Variants in PCDHAC1 observed in about 807,000 individuals in gnomAD.
The protein encoded by PCDHAC1 is protocadherin alpha-C1.
Under a neutral mutation model 60.0 loss-of-function variants are expected in PCDHAC1, and 42 were observed. That is an observed-to-expected ratio of 0.70 (90% CI 0.55 to 0.90). PCDHAC1 has a LOEUF of 0.90. Among genes scored for constraint, PCDHAC1 ranks in the 40% least tolerant of loss-of-function variants. The pLI, the probability that PCDHAC1 is intolerant of heterozygous loss-of-function variation, is 0.00. For synonymous variants in PCDHAC1, 468 were observed against 499.3 expected (o/e 0.94, Z 0.84); for missense variants, 1,160 against 1,222.3 (o/e 0.95, Z 0.76).
intron 1 of PCDHAC1, among the ~76,000 whole-genome samples, chr5:140,943,906 C>T (rs963288804): frequency 2.0e-5 from 3 of 152,156 alleles, no homozygotes; most frequent in African/African-American, 7.2e-5. Context: ...ATGTCATGAG[C>T]ACTTTAGCAT....
chr5:140,942,115 A>T (rs1440934670), intron 1 of PCDHAC1, among the ~76,000 whole-genome samples: 2 of 152,232 alleles, frequency 1.3e-5, no homozygotes, highest in Non-Finnish European at 2.9e-5. Flanking sequence ...ATCAAACTTT[A>T]TTAAAGGTGA....
intron 1 of PCDHAC1, chr5:140,968,494 C>G (rs782064203): frequency 1.2e-6 from 2 of 1,614,096 alleles, no homozygotes; most frequent in South Asian, 2.2e-5. Flanking sequence ...ATGACCATGC[C>G]CCTCACATTC....
chr5:140,983,924 A>G (rs1554245819), intron 3 of PCDHAC1, among the ~76,000 whole-genome samples: 1 of 152,216 alleles, frequency 6.6e-6, no homozygotes, highest in African/African-American at 2.4e-5. Flanking sequence ...AGGATTTGCT[A>G]TTTATGGATG....
At position 140,928,897 on chromosome 5, in the gene PCDHAC1, G is replaced by C; in HGVS notation, c.2005G>C (p.Asp669His). ...CCCTCAGTTACTTCCAGACTTTGAA[G>C]ATGTCTGGGAACCAGGAGGGCAGCT... ...SVPQLLPDFEDVWEPGGQLSA... is the reference protein window; with the variant it reads ...SVPQLLPDFEHVWEPGGQLSA... Residue 669 changes from aspartate to histidine, a missense_variant, in exon 1 of 4, where the codon GAT (aspartate) becomes CAT (histidine). Transcript: ENST00000253807. 6.2e-7 allele frequency: 1 copy of C among 1,614,186 alleles called. No homozygotes were observed.
intron 1 of PCDHAC1, among the ~76,000 whole-genome samples, chr5:140,960,257 C>T (rs1554224600): frequency 6.6e-6 from 1 of 152,186 alleles, no homozygotes; most frequent in African/African-American, 2.4e-5. Flanking sequence ...CCTGGAGCTT[C>T]TGATAAATTC....
chr5:140,926,758 G>C lies in PCDHAC1; in HGVS notation c.-135G>C. ...GAGGCGCAACGTCGGCGGTCGCTGA[G>C]TATCCAGCCCGCAGCAGTGACGGCC... On this transcript the variant is annotated 5_prime_UTR_variant, in exon 1 of 4. Transcript: ENST00000253807. The C allele has an allele frequency of 2.3e-6, 3 of 1,302,056 alleles. No individual in the cohort carries two copies. Among genetic ancestry groups the C allele is most frequent in the Non-Finnish European group, 3.0e-6 (3 of 1,009,154 alleles). 80.7% of individuals were successfully genotyped at this position (1,302,056 alleles called of 1,614,324 possible). A position where few individuals can be genotyped will look rare whatever the true frequency, so the allele number is the denominator to read the frequency against.
chr5:140,949,714 T>A (rs2094416715), intron 1 of PCDHAC1, among the ~76,000 whole-genome samples: 1 of 151,848 alleles, frequency 6.6e-6, no homozygotes, highest in South Asian at 2.1e-4. Flanking sequence ...TTTTACCCAT[T>A]TTGATAATAT....
rs1391320223 is a variant in PCDHAC1, at chr5:140,927,345, C to T, written c.453C>T (p.Asp151=). The T allele has an allele frequency of 1.2e-6, 2 of 1,614,012 alleles. 1 individual carries two copies. The change falls in exon 1 of 4, where the codon GAC becomes GAT. Residue 151 remains aspartate, a synonymous_variant. Transcript: ENST00000253807. ...ARFTLPNAQD[D]DEGSNGILSY... is the part of the protein sequence containing the mutation. The stretch of plus-strand genomic sequence containing the variant: ...TTACTCTCCCGAATGCCCAAGATGA[C>T]GACGAGGGAAGCAATGGGATACTAA...
chr5:140,970,933 G>T (rs782607345), intron 1 of PCDHAC1, among the ~76,000 whole-genome samples: 6 of 152,176 alleles, frequency 3.9e-5, no homozygotes, highest in African/African-American at 9.7e-5. Context: ...CCTGGTGTTA[G>T]TCAATGCTGA....
intron 1 of PCDHAC1, among the ~76,000 whole-genome samples, chr5:140,972,293 C>T (rs912767406): frequency 2.0e-5 from 3 of 151,768 alleles, no homozygotes; most frequent in Non-Finnish European, 4.4e-5. Flanking sequence ...ATGTGCGCCA[C>T]CGTGTCTGAC....
chr5:140,939,803 T>C (rs2092462819), intron 1 of PCDHAC1, among the ~76,000 whole-genome samples: 1 of 152,228 alleles, frequency 6.6e-6, no homozygotes, highest in African/African-American at 2.4e-5. Flanking sequence ...ATGTTCTGCA[T>C]GTTCAAGAAA....
chr5:140,968,276 G>A, intron 1 of PCDHAC1: 1 of 1,614,070 alleles, frequency 6.2e-7, no homozygotes, highest in South Asian at 1.1e-5. Context: ...GAATGCAGAG[G>A]TGACCTACTC....
At chr5:140,951,589 C>A (rs2094605772) in intron 1 of PCDHAC1, among the ~76,000 whole-genome samples, 1 of 152,088 alleles carries the variant, frequency 6.6e-6, no homozygotes, top group Admixed American at 6.5e-5. Flanking sequence ...TTCACGAGAT[C>A]TCTCTCACTG....
chr5:140,982,779 G>A (rs1228586175), intron 3 of PCDHAC1, among the ~76,000 whole-genome samples: 2 of 151,918 alleles, frequency 1.3e-5, no homozygotes, highest in African/African-American at 2.4e-5. Context: ...GAAAGTGTGT[G>A]TGCACGCATG....
At chr5:140,931,791 T>A (rs1168945699) in intron 1 of PCDHAC1, among the ~76,000 whole-genome samples, 1 of 152,016 alleles carries the variant, frequency 6.6e-6, no homozygotes, top group African/African-American at 2.4e-5. Context: ...CCTATTGATC[T>A]GATCTTAATT....
intron 1 of PCDHAC1, among the ~76,000 whole-genome samples, chr5:140,957,326 C>G (rs2095350528): frequency 6.6e-6 from 1 of 152,118 alleles, no homozygotes; most frequent in African/African-American, 2.4e-5. Context: ...GAGCACAGTA[C>G]AGTAAGATAT....
chr5:140,993,463 CACA>C (rs1563592017), intron 3 of PCDHAC1, among the ~76,000 whole-genome samples: 29 of 7,582 alleles, frequency 3.8e-3, no homozygotes, highest in African/African-American at 0.016. Flanking sequence ...CTTTCTTTCT[CACA>C]CACACACACA....
chr5:140,980,504 C>G (rs1440940887), intron 2 of PCDHAC1, among the ~76,000 whole-genome samples: 4 of 152,122 alleles, frequency 2.6e-5, no homozygotes, highest in Non-Finnish European at 5.9e-5. Flanking sequence ...ATGGCATGTG[C>G]CTGTAGTTCC....
At chr5:140,967,921 C>G (rs781932025) in intron 1 of PCDHAC1, 1 of 1,614,172 alleles carries the variant, frequency 6.2e-7, no homozygotes, top group East Asian at 2.2e-5. Flanking sequence ...CCATTGTGGC[C>G]GTTCTCAGTG....
Sources: allele counts gnomAD v4.1 joint callset (sites outside exome capture counted in the v4.1 genomes callset), GRCh38; gene constraint gnomAD v4.1.1; transcripts MANE v1.5; gene names NCBI Gene and HGNC (gene_info 2026-07-23, HGNC 2026-07-21).